HS3ST1: variants seen among roughly 807,000 people sequenced by gnomAD.
HS3ST1 encodes the protein heparan sulfate-glucosamine 3-sulfotransferase 1.
A neutral mutation model predicts 20.7 loss-of-function variants in HS3ST1; 8 were observed. The observed-to-expected ratio is 0.39, with a 90% CI of 0.23 to 0.70. The LOEUF (loss-of-function observed/expected upper bound fraction) is 0.70, where lower values mean the gene tolerates loss of function less well. Among genes scored for constraint, HS3ST1 ranks in the 30% least tolerant of loss-of-function variants. The probability of loss-of-function intolerance (pLI) is 0.46; values close to 1 mark genes in which losing one functional copy is unlikely to be tolerated. For synonymous variants in HS3ST1, 205 were observed against 190.4 expected (o/e 1.08, Z -0.63); for missense variants, 436 against 423.4 (o/e 1.03, Z -0.26).
intron 1 of HS3ST1, among the ~76,000 whole-genome samples, chr4:11,403,974 A>C (rs942109713): frequency 3.3e-5 from 5 of 152,248 alleles, no homozygotes; most frequent in Non-Finnish European, 7.3e-5. Flanking sequence ...ATATGCATTC[A>C]GACATTTTAA....
rs375639860 is a variant in HS3ST1 at position 11,399,297 on chromosome 4, G to A, written c.709C>T (p.Leu237=). 3.1e-6 allele frequency: 5 copies of A among 1,614,184 alleles called. No homozygotes were observed. Among genetic ancestry groups the A allele is most frequent in the African/African-American group, 2.7e-5 (2 of 75,056 alleles). The change falls in exon 2 of 2, where the codon CTG becomes TTG. Residue 237 remains leucine, a synonymous_variant. Coordinates refer to ENST00000002596, the MANE Select transcript of HS3ST1 (RefSeq NM_005114.4). This position sits in a 1 kb window ranked among gnomAD's most constrained non-coding sequence, Gnocchi z 5.1. Reference sequence around the variant, plus strand: ...TTCGAAGCATTGATCTGCGGCGACAGCTTTAGGAACCTCTCGACCTTTTGG... The same window carrying A: ...TTCGAAGCATTGATCTGCGGCGACAACTTTAGGAACCTCTCGACCTTTTGG... The part of the protein sequence containing the change: ...EIQKVERFLK[L]SPQINASNFY...
chr4:11,416,398 C>G (rs1398379213), intron 1 of HS3ST1, among the ~76,000 whole-genome samples: 1 of 152,198 alleles, frequency 6.6e-6, no homozygotes, highest in African/African-American at 2.4e-5. Flanking sequence ...CTGTCCTGCT[C>G]TCTGGGAGCT....
upstream of HS3ST1, among the ~76,000 whole-genome samples, chr4:11,432,998 T>C (rs552958606): frequency 3.9e-5 from 6 of 152,326 alleles, no homozygotes; most frequent in East Asian, 9.6e-4. Flanking sequence ...GACACCAAAT[T>C]TGACACATCT....
rs183704675 is a variant in HS3ST1 at position 11,402,927 on chromosome 4, G to A, written c.-108-2814C>T. Among the ~76,000 whole-genome samples, 42 of 152,216 alleles carry A rather than the reference G, an allele frequency of 2.8e-4. No individual in the cohort carries two copies. In the South Asian group the frequency reaches 5.0e-3, roughly 18 times the overall value. The stretch of plus-strand genomic sequence containing the variant: ...CTTTATGAAAGAAAATAACAACAAC[G>A]TATTGGGAAGTTAAGTAGCTTATAA... On this transcript the variant is annotated intron_variant, in intron 1 of 1. Transcript: ENST00000002596.
At position 11,399,956 on chromosome 4, in the gene HS3ST1, A is replaced by G. The variant is rs1560231074; in HGVS notation, c.50T>C (p.Leu17Pro). The G allele has an allele frequency of 6.4e-7, 1 of 1,559,998 alleles. No individual in the cohort carries two copies. Reference protein sequence around the residue: ...GAVLLVAQPQLVPSRPAELGQ... With the variant: ...GAVLLVAQPQPVPSRPAELGQ... ...TAGCTCGGCGGGGCGGGAAGGCACT[A>G]GCTGGGGCTGGGCCACCAGCAGCAC... The change falls in exon 2 of 2, where the codon CTA becomes CCA. Residue 17 changes from leucine to proline, a missense_variant. Leu to Pro is a moderately conservative substitution (Grantham distance 98, BLOSUM62 -3). Transcript: ENST00000002596. The surrounding 1 kb of genome is among the most constrained non-coding windows in gnomAD (Gnocchi z 5.1).
At chr4:11,409,046 A>G (rs1057116581) in intron 1 of HS3ST1, among the ~76,000 whole-genome samples, 30 of 152,210 alleles carry the variant, frequency 2.0e-4, no homozygotes, top group Non-Finnish European at 2.9e-4. Context: ...GTTCTGTCTT[A>G]TCATTTTGCA....
upstream of HS3ST1, among the ~76,000 whole-genome samples, chr4:11,431,232 T>TAAAA (rs77643058): frequency 4.9e-4 from 68 of 137,876 alleles, no homozygotes; most frequent in Middle Eastern, 3.7e-3. Context: ...ACTATGCTCT[T>TAAAA]AAAAAAAAAA....
intron 1 of HS3ST1, among the ~76,000 whole-genome samples, chr4:11,415,182 T>C (rs968499327): frequency 9.9e-5 from 15 of 152,204 alleles, no homozygotes; most frequent in African/African-American, 3.4e-4. Flanking sequence ...TGAACTAATG[T>C]CCAGGCTAAA....
rs60539027 is a variant in HS3ST1 at position 11,414,904 on chromosome 4, A to T, written c.-109+13795T>A. Among the ~76,000 whole-genome samples the T allele has an allele frequency of 1.1e-3, 169 of 152,334 alleles. 2 individuals carry two copies. Among genetic ancestry groups the T allele is most frequent in the African/African-American group, 3.8e-3 (158 of 41,572 alleles). ...GCAAATTCAGACACTGAAGAGGGTT[A>T]GATGTCATTTGCTCAGGTCACAGGT... On this transcript the variant is annotated intron_variant, in intron 1 of 1. Coordinates refer to ENST00000002596, the MANE Select transcript of HS3ST1 (RefSeq NM_005114.4).
intron 1 of HS3ST1, chr4:11,414,243 C>T (rs1488805412): frequency 6.6e-6 from 1 of 152,218 alleles, no homozygotes; most frequent in Non-Finnish European, 1.5e-5. Context: ...CTCATCAAGT[C>T]CTGGTTCCAT....
intron 1 of HS3ST1, among the ~76,000 whole-genome samples, chr4:11,420,325 A>G (rs1210018053): frequency 1.3e-5 from 2 of 152,236 alleles, no homozygotes; most frequent in African/African-American, 4.8e-5. Context: ...TCAGAACGTC[A>G]TGCTCCAGCA....
intron 1 of HS3ST1, among the ~76,000 whole-genome samples, chr4:11,405,005 C>T (rs1718426858): frequency 6.6e-6 from 1 of 152,226 alleles, no homozygotes; most frequent in African/African-American, 2.4e-5. Context: ...AAGCCAGGAA[C>T]TTCACTGTCA....
rs1718283494 is a variant in HS3ST1, at chr4:11,400,124, A to G, written c.-108-11T>C. 2 of 1,426,700 alleles carry G rather than the reference A, an allele frequency of 1.4e-6. No homozygotes were observed. The highest frequency in any genetic ancestry group is 9.1e-7 in the Non-Finnish European group (1 of 1,094,778). 88.4% of individuals were successfully genotyped at this position (1,426,700 alleles called of 1,614,324 possible). On this transcript the variant is annotated splice_polypyrimidine_tract_variant and intron_variant, in intron 1 of 1. Coordinates refer to ENST00000002596, the MANE Select transcript of HS3ST1 (RefSeq NM_005114.4). ...TCAGGCCTTCAATTACTAGGGAACA[A>G]AAAGGGAAGATATTAACATATAACA... is the stretch of plus-strand genomic sequence containing the variant.
chr4:11,424,375 G>C (rs1719012383), intron 1 of HS3ST1, among the ~76,000 whole-genome samples: 1 of 152,184 alleles, frequency 6.6e-6, no homozygotes, highest in Admixed American at 6.5e-5. Context: ...CTACGGCCCA[G>C]TAGATATTAT....
chr4:11,402,238 A>G (rs1482354017), intron 1 of HS3ST1, among the ~76,000 whole-genome samples: 2 of 152,224 alleles, frequency 1.3e-5, no homozygotes, highest in Non-Finnish European at 2.9e-5. Flanking sequence ...CAAGTAATCA[A>G]ATAGATGGAA....
intron 1 of HS3ST1, among the ~76,000 whole-genome samples, chr4:11,402,409 T>G (rs917565398): frequency 6.6e-6 from 1 of 152,234 alleles, no homozygotes; most frequent in African/African-American, 2.4e-5. Context: ...GCCAATTTTT[T>G]TAGTCAAGTG....
At chr4:11,411,829 C>T (rs1485186635) in intron 1 of HS3ST1, among the ~76,000 whole-genome samples, 3 of 152,132 alleles carry the variant, frequency 2.0e-5, no homozygotes, top group African/African-American at 4.8e-5. Flanking sequence ...TACAGGAGCT[C>T]GGAGTCGGGA....
chr4:11,412,018 T>TA (rs1718650999), intron 1 of HS3ST1, among the ~76,000 whole-genome samples: 2 of 152,202 alleles, frequency 1.3e-5, no homozygotes, highest in South Asian at 2.1e-4. Flanking sequence ...TGTGAACTGT[T>TA]AAAGAGTGGG....
At position 11,417,101 on chromosome 4, in the gene HS3ST1, G is replaced by A. The variant is rs1435496964; in HGVS notation, c.-109+11598C>T. Among the ~76,000 whole-genome samples the A allele has an allele frequency of 2.0e-5, 3 of 152,114 alleles. No homozygotes were observed. In the East Asian group the frequency reaches 5.8e-4, roughly 29 times the overall value. On this transcript the variant is annotated intron_variant, in intron 1 of 1. Coordinates refer to ENST00000002596, the MANE Select transcript of HS3ST1 (RefSeq NM_005114.4). ...AGGCTTAATAAATTAGAATGTGAGAGCCATCCTGCAGAACTTGAATTTTGG... is the reference window on the plus strand; with the variant it reads ...AGGCTTAATAAATTAGAATGTGAGAACCATCCTGCAGAACTTGAATTTTGG...
Sources: allele counts gnomAD v4.1 joint callset (sites outside exome capture counted in the v4.1 genomes callset), GRCh38; gene constraint gnomAD v4.1.1; non-coding constraint Gnocchi (gnomAD v3.1); transcripts MANE v1.5; gene names NCBI Gene and HGNC (gene_info 2026-07-23, HGNC 2026-07-21).